Variants in CYYR1 observed in about 807,000 individuals in gnomAD.
The protein encoded by CYYR1 is cysteine and tyrosine rich 1.
A neutral mutation model predicts 15.2 loss-of-function variants in CYYR1; 14 were observed. The ratio of observed to expected loss-of-function variants is 0.92; its 90% confidence interval spans 0.61 to 1.44. The LOEUF (loss-of-function observed/expected upper bound fraction) is 1.44, where lower values mean the gene tolerates loss of function less well. CYYR1 is among the 40% of genes most tolerant of loss of function. CYYR1 has a pLI of 0.00. For missense variants in CYYR1, 228 were observed against 209.5 expected (o/e 1.09, Z -0.54); for synonymous variants, 80 against 77.4 (o/e 1.03, Z -0.18).
intron 2 of CYYR1, among the ~76,000 whole-genome samples, chr21:26,529,956 T>C (rs1029178753): frequency 6.6e-6 from 1 of 152,284 alleles, no homozygotes; most frequent in Non-Finnish European, 1.5e-5. Context: ...CTAGTGACAA[T>C]GATGAAATGT....
intron 2 of CYYR1, among the ~76,000 whole-genome samples, chr21:26,548,463 C>T (rs771158272): frequency 1.4e-4 from 21 of 152,248 alleles, no homozygotes; most frequent in Non-Finnish European, 3.1e-4. Context: ...TCTCCTGTCT[C>T]AGCCTCCTGA....
At chr21:26,471,655 T>A (rs1439569025) in intron 3 of CYYR1, 1 of 152,222 alleles carries the variant, frequency 6.6e-6, no homozygotes, top group Non-Finnish European at 1.5e-5. Context: ...GTGGGCTGTA[T>A]TATCTTTCTT....
chr21:26,506,173 G>A (rs914951557), intron 2 of CYYR1, among the ~76,000 whole-genome samples: 2 of 152,022 alleles, frequency 1.3e-5, no homozygotes, highest in Non-Finnish European at 2.9e-5. Flanking sequence ...CTAGAAAAGG[G>A]GCCCTTGGGA....
intron 1 of CYYR1, chr21:26,567,812 A>C (rs1980743755): frequency 2.0e-5 from 3 of 152,218 alleles, no homozygotes. Flanking sequence ...CTTTTAAATC[A>C]CTTCCCTGCT....
intron 2 of CYYR1, among the ~76,000 whole-genome samples, chr21:26,538,796 G>A (rs575055064): frequency 6.6e-6 from 1 of 152,182 alleles, no homozygotes; most frequent in East Asian, 1.9e-4. Flanking sequence ...AAACTTTTTG[G>A]TGTCATGGCA....
At chr21:26,571,031 A>C (rs999477584) in intron 1 of CYYR1, among the ~76,000 whole-genome samples, 33 of 152,230 alleles carry the variant, frequency 2.2e-4, no homozygotes, top group Admixed American at 6.5e-5. Context: ...TTAAGCCAGC[A>C]GTAAGACTTT....
At chr21:26,569,866 G>A (rs898943367) in intron 1 of CYYR1, among the ~76,000 whole-genome samples, 21 of 152,180 alleles carry the variant, frequency 1.4e-4, no homozygotes, top group Admixed American at 7.2e-4. Context: ...AGCCCAAAAT[G>A]TTGTAGCCAA....
rs527419916 is a variant in CYYR1, at chr21:26,520,808, A to T, written c.177-40379T>A. On this transcript the variant is annotated intron_variant, in intron 2 of 3. Transcript: ENST00000652641. ...GAGATGGTATCTCCTTGTGGTTTTG[A>T]TTTCTGTTTCTCTGATGATCAGTGA... Among the ~76,000 whole-genome samples, 3 of 152,174 alleles carry T rather than the reference A, an allele frequency of 2.0e-5. No individual in the cohort carries two copies. The East Asian group carries it at 5.8e-4, about 29-fold the overall frequency.
At position 26,530,466 on chromosome 21, in the gene CYYR1, AT is replaced by A. The variant is rs531701164; in HGVS notation, c.176+35799del. On this transcript the variant is annotated intron_variant, in intron 2 of 3. Transcript: ENST00000652641. ...TTGGGCATTTTATAATATTAATTTT[AT>A]TTTTTTTAATTATACTTTAAGTTCT... 3.3e-3 allele frequency among the ~76,000 whole-genome samples: 498 copies of A among 151,776 alleles called. 1 individual carries two copies. Among genetic ancestry groups the A allele is most frequent in the Non-Finnish European group, 5.1e-3 (349 of 67,906 alleles).
intron 2 of CYYR1, among the ~76,000 whole-genome samples, chr21:26,507,927 A>G (rs1436223032): frequency 2.0e-5 from 3 of 152,180 alleles, no homozygotes; most frequent in Non-Finnish European, 4.4e-5. Flanking sequence ...CCTATTATGT[A>G]TGTGCCTTTG....
intron 2 of CYYR1, among the ~76,000 whole-genome samples, chr21:26,523,036 T>C (rs918202372): frequency 1.3e-5 from 2 of 152,088 alleles, no homozygotes; most frequent in Non-Finnish European, 2.9e-5. Context: ...AATGGTAAGA[T>C]AGAGGAAAGA....
At position 26,512,498 on chromosome 21, in the gene CYYR1, G is replaced by A. The variant is rs541204273; in HGVS notation, c.177-32069C>T. Among the ~76,000 whole-genome samples, 7 of 152,194 alleles carry A rather than the reference G, an allele frequency of 4.6e-5. No individual in the cohort carries two copies. In the East Asian group the frequency reaches 1.4e-3, roughly 29 times the overall value. ...ATCACAGCGTGAGCCACCGCGCCCG[G>A]CCCACAGAGTCTTTATCAGGTGTCA... On this transcript the variant is annotated intron_variant, in intron 2 of 3. Transcript: ENST00000652641.
chr21:26,471,377 G>T (rs959047098), intron 3 of CYYR1: 7 of 152,178 alleles, frequency 4.6e-5, no homozygotes, highest in Non-Finnish European at 7.3e-5. Context: ...TTATGCGTCT[G>T]TAACAAAGCG....
chr21:26,475,165 A>T (rs115784349), intron 3 of CYYR1, among the ~76,000 whole-genome samples: 210 of 152,218 alleles, frequency 1.4e-3, no homozygotes, highest in Middle Eastern at 0.01. Flanking sequence ...TTCTTTAGAC[A>T]TTTCACACTC....
chr21:26,499,667 A>G (rs922545675), intron 2 of CYYR1, among the ~76,000 whole-genome samples: 2 of 152,124 alleles, frequency 1.3e-5, no homozygotes, highest in African/African-American at 2.4e-5. Flanking sequence ...ATGAGGTTGG[A>G]CAGATAAGCA....
intron 3 of CYYR1, among the ~76,000 whole-genome samples, chr21:26,475,530 T>G (rs1256149117): frequency 1.3e-5 from 2 of 152,094 alleles, no homozygotes; most frequent in African/African-American, 4.8e-5. Context: ...TATTCATCAG[T>G]TTCCCCCTTT....
At chr21:26,473,621 C>T (rs569235573) in intron 3 of CYYR1, among the ~76,000 whole-genome samples, 1 of 152,308 alleles carries the variant, frequency 6.6e-6, no homozygotes, top group South Asian at 2.1e-4. Flanking sequence ...TCTTTCCCTG[C>T]CTCCACCATG....
intron 2 of CYYR1, among the ~76,000 whole-genome samples, chr21:26,557,911 C>T (rs533940997): frequency 6.6e-6 from 1 of 152,314 alleles, no homozygotes; most frequent in Admixed American, 6.5e-5. Context: ...TCTCAGCACA[C>T]CATCCAGCCT....
chr21:26,562,195 A>G (rs903293180), intron 2 of CYYR1, among the ~76,000 whole-genome samples: 1 of 152,156 alleles, frequency 6.6e-6, no homozygotes, highest in Non-Finnish European at 1.5e-5. Context: ...AGTTGCCCTC[A>G]TGTTCAAAAA....
Sources: gnomAD v4.1 joint callset for allele counts (sites outside exome capture counted in the v4.1 genomes callset) on GRCh38, gnomAD v4.1.1 for gene constraint, MANE v1.5 for transcripts, NCBI Gene and HGNC (gene_info 2026-07-23, HGNC 2026-07-21) for gene names.